Variants in SUSD2 observed in about 807,000 individuals in gnomAD.
SUSD2 encodes sushi domain-containing protein 2.
SUSD2 carries 86 observed loss-of-function variants against 93.8 expected under a neutral mutation model. That is an observed-to-expected ratio of 0.92 (90% CI 0.77 to 1.10). The LOEUF (loss-of-function observed/expected upper bound fraction) is 1.10, where lower values mean the gene tolerates loss of function less well. Ranked by LOEUF, SUSD2 falls within the 50% of genes least tolerant of loss-of-function variation. The pLI, the probability that SUSD2 is intolerant of heterozygous loss-of-function variation, is 0.00. For synonymous variants in SUSD2, 483 were observed against 485.0 expected (o/e 1.00, Z 0.05); for missense variants, 1,060 against 1,137.0 (o/e 0.93, Z 0.97).
chr22:24,185,023 G>A (rs932931411), intron 5 of SUSD2, 71 bp from the exon 6 acceptor site: 3 of 1,609,442 alleles, frequency 1.9e-6, no homozygotes, highest in Non-Finnish European at 2.5e-6. Flanking sequence ...AGCCCAGGCT[G>A]GGGGTGGGGA....
chr22:24,187,395 G>C lies in SUSD2; in HGVS notation c.1836G>C (p.Gly612=). The C allele has an allele frequency of 6.2e-7, 1 of 1,613,860 alleles. No individual in the cohort carries two copies. The highest frequency in any genetic ancestry group is 8.5e-7 in the Non-Finnish European group (1 of 1,180,028). The change falls in exon 11 of 15, where the codon GGG becomes GGC. Residue 612 remains glycine, a synonymous_variant. Coordinates refer to ENST00000358321, the MANE Select transcript of SUSD2 (RefSeq NM_019601.4). Reference sequence around the variant, plus strand: ...CCGACGACTTCACCCTGCACAGCGGGCGCGTCCTGCCCCCAGGCACCAGTC... The same window carrying C: ...CCGACGACTTCACCCTGCACAGCGGCCGCGTCCTGCCCCCAGGCACCAGTC... ...DPTDDFTLHS[G]RVLPPGTSPQ...
At chr22:24,186,510 TC>T in intron 10 of SUSD2, 95 bp downstream of exon 10, 1 of 1,470,488 alleles carries the variant, frequency 6.8e-7, no homozygotes, top group Non-Finnish European at 9.2e-7. Context: ...TTCATGCCTC[TC>T]CCAGTCCTGG....
intron 10 of SUSD2, chr22:24,186,984 G>T: frequency 3.3e-6 from 2 of 611,674 alleles, no homozygotes; most frequent in Non-Finnish European, 5.7e-6. Context: ...GGGATTCACT[G>T]CAGGGGCTGC....
At position 24,187,490 on chromosome 22, in the gene SUSD2, G is replaced by A. The variant is rs766781576; in HGVS notation, c.1891+40G>A. On this transcript the variant is annotated intron_variant, in intron 11 of 14. Coordinates refer to ENST00000358321, the MANE Select transcript of SUSD2 (RefSeq NM_019601.4). The stretch of plus-strand genomic sequence containing the variant: ...AGTATATGGGGCAGACGGGGTGGGG[G>A]TTACTGGAAACATGGCACGGGCAGG... 3.1e-6 allele frequency: 5 copies of A among 1,606,880 alleles called. No individual in the cohort carries two copies. In the South Asian group the frequency reaches 5.5e-5, roughly 18 times the overall value.
At chr22:24,187,124 G>A (rs1448282098) in intron 10 of SUSD2, 78 bp from the exon 11 acceptor site, 36 of 1,545,404 alleles carry the variant, frequency 2.3e-5, no homozygotes, top group Non-Finnish European at 2.7e-5. Context: ...CCTGGGTGCC[G>A]ACCACCCTGT....
chr22:24,188,434 T>G lies in SUSD2; in HGVS notation c.2467T>G (p.Ter823GlyextTer36). 2 of 1,609,664 alleles carry G rather than the reference T, an allele frequency of 1.2e-6. No individual in the cohort carries two copies. The highest frequency in any genetic ancestry group is 1.7e-6 in the Non-Finnish European group (2 of 1,179,528). Reference sequence around the variant, plus strand: ...CAGGCACGTCTGGGGTGCACAGCCCTGATGGGAGCAGCTTGGCTGTGAGCA... The same window carrying G: ...CAGGCACGTCTGGGGTGCACAGCCCGGATGGGAGCAGCTTGGCTGTGAGCA... ...GNTHVWGAQP[*>G] Residue 823 changes from the stop codon to glycine, a stop_lost, in exon 15 of 15, where the codon TGA (stop) becomes GGA (glycine). Transcript: ENST00000358321. The surrounding 1 kb of genome is among the most constrained non-coding windows in gnomAD (Gnocchi z 4.7).
At chr22:24,182,972 T>A in intron 1 of SUSD2, 85 bp from the exon 2 acceptor site, 1 of 1,162,912 alleles carries the variant, frequency 8.6e-7, no homozygotes. Context: ...TCTAATGGGC[T>A]GTGGGAGAAA....
intron 4 of SUSD2, 81 bp from the exon 5 acceptor site, chr22:24,184,683 ATC>A: frequency 8.4e-7 from 1 of 1,190,190 alleles, no homozygotes; most frequent in Non-Finnish European, 1.2e-6. Context: ...CCATCCACCC[ATC>A]TGTCAGGCTG....
Position 24,187,628 on chromosome 22 carries a change from A to G in SUSD2, c.1949A>G (p.Asn650Ser). 1 of 1,613,484 alleles carries G rather than the reference A, an allele frequency of 6.2e-7. No individual in the cohort carries two copies. Among genetic ancestry groups the G allele is most frequent in the Non-Finnish European group, 8.5e-7 (1 of 1,179,818 alleles). The part of the protein sequence containing the change: ...LTYDSWFLVH[N>S]FLYQPKHDPT... ...TACGATTCCTGGTTCCTGGTCCACA[A>G]CTTCCTGTACCAACCCAAGCACGAC... Residue 650 changes from asparagine to serine, a missense_variant, in exon 12 of 15, where the codon AAC becomes AGC. Transcript: ENST00000358321.
At position 24,187,412 on chromosome 22, in the gene SUSD2, G is replaced by A. The variant is rs750987015; in HGVS notation, c.1853G>A (p.Gly618Asp). ...TLHSGRVLPP[G>D]TSPQELFLFG... is the part of the protein sequence containing the mutation. ...CACAGCGGGCGCGTCCTGCCCCCAG[G>A]CACCAGTCCCCAGGAGCTGTTCCTG... is the stretch of plus-strand genomic sequence containing the variant. Residue 618 changes from glycine to aspartate, a missense_variant, in exon 11 of 15, where the codon GGC becomes GAC. Gly to Asp is a moderately conservative substitution (Grantham distance 94). Coordinates refer to ENST00000358321, the MANE Select transcript of SUSD2 (RefSeq NM_019601.4). 3 of 1,613,510 alleles carry A rather than the reference G, an allele frequency of 1.9e-6. No homozygotes were observed. The highest frequency in any genetic ancestry group is 1.7e-5 in the Admixed American group (1 of 60,020).
In SUSD2 at chr22:24,187,276, G is replaced by C. The variant is rs577588238; in HGVS notation, c.1717G>C (p.Val573Leu). ...ATCAGGGGCCGGCCTGGAGGTCAGCGTGCAGGGCCCGTTCCTGAGTGTGTC... is the reference window on the plus strand; with the variant it reads ...ATCAGGGGCCGGCCTGGAGGTCAGCCTGCAGGGCCCGTTCCTGAGTGTGTC... ...LASGAGLEVS[V>L]QGPFLSVSVL... Residue 573 changes from valine to leucine, a missense_variant, in exon 11 of 15, where the codon GTG becomes CTG. Coordinates refer to ENST00000358321, the MANE Select transcript of SUSD2 (RefSeq NM_019601.4). The C allele has an allele frequency of 6.6e-4, 1,058 of 1,614,030 alleles. 22 individuals are homozygous for C. The South Asian group carries it at 0.011, about 16-fold the overall frequency.
At chr22:24,184,661 C>G in intron 4 of SUSD2, 105 bp from the exon 5 acceptor site, 1 of 952,802 alleles carries the variant, frequency 1.0e-6, no homozygotes, top group Non-Finnish European at 1.6e-6. Context: ...CCTAAGGGGA[C>G]CGCCTGGCGG....
intron 6 of SUSD2, 36 bp downstream of exon 6, chr22:24,185,331 G>A (rs747024925): frequency 6.3e-7 from 1 of 1,591,432 alleles, no homozygotes; most frequent in South Asian, 1.1e-5. Flanking sequence ...GAGGGGATGA[G>A]GGGTTAGCCT....
chr22:24,187,979 G>A lies in SUSD2; in HGVS notation c.2185G>A (p.Ala729Thr). The change falls in exon 13 of 15, where the codon GCC becomes ACC. Residue 729 changes from alanine to threonine, a missense_variant. This residue lies in a region of SUSD2 where 973 missense variants were observed against 1,005.3 expected (regional missense o/e 0.97). Transcript: ENST00000358321. ...LQPVVSCGWL[A>T]PPPNGQKEGN... is the part of the protein sequence containing the mutation. ...CCCAGTGGTGTCCTGTGGCTGGCTG[G>A]CCCCACCTCCCAACGGACAAAAGGA... is the stretch of plus-strand genomic sequence containing the variant. 6.2e-7 allele frequency: 1 copy of A among 1,612,814 alleles called. No homozygotes were observed. Among genetic ancestry groups the A allele is most frequent in the South Asian group, 1.1e-5 (1 of 91,072 alleles).
rs2047357366 is a variant in SUSD2, at chr22:24,185,544, T to A, written c.1043T>A (p.Val348Glu). 1.9e-6 allele frequency: 3 copies of A among 1,587,018 alleles called. No individual in the cohort carries two copies. Among genetic ancestry groups the A allele is most frequent in the Non-Finnish European group, 1.7e-6 (2 of 1,166,884 alleles). The change falls in exon 7 of 15, where the codon GTG becomes GAG. Residue 348 changes from valine to glutamate, a missense_variant. This residue lies in a region of SUSD2 where 973 missense variants were observed against 1,005.3 expected (regional missense o/e 0.97). Transcript: ENST00000358321. ...GTGTGCACCTACCACCCCGGGGCCG[T>A]GCACTGTGTGCGTTCTGTGCAGGCC... ...GSVCTYHPGA[V>E]HCVRSVQASL...
At position 24,186,390 on chromosome 22, in the gene SUSD2, C is replaced by G; in HGVS notation, c.1617C>G (p.Thr539=). 1.2e-6 allele frequency: 2 copies of G among 1,613,594 alleles called. No homozygotes were observed. Among genetic ancestry groups the G allele is most frequent in the Non-Finnish European group, 1.7e-6 (2 of 1,180,020 alleles). Reference sequence around the variant, plus strand: ...TGAACCAGGAGGTGCTGAGCTTCACCGAGCAGAGCTGGATGGACCTGAAAG... The same window carrying G: ...TGAACCAGGAGGTGCTGAGCTTCACGGAGCAGAGCTGGATGGACCTGAAAG... The part of the protein sequence containing the change: ...VLLNQEVLSF[T]EQSWMDLKGM... The change falls in exon 10 of 15, where the codon ACC becomes ACG. Residue 539 remains threonine, a synonymous_variant. Coordinates refer to ENST00000358321, the MANE Select transcript of SUSD2 (RefSeq NM_019601.4).
intron 10 of SUSD2, 84 bp downstream of exon 10, chr22:24,186,499 C>A: frequency 6.7e-7 from 1 of 1,501,018 alleles, no homozygotes; most frequent in Non-Finnish European, 9.0e-7. Flanking sequence ...AGCCCTGGGC[C>A]TTCATGCCTC....
chr22:24,185,461 G>C lies in SUSD2; in HGVS notation c.985-25G>C, dbSNP rs1488708208. On this transcript the variant is annotated intron_variant, in intron 6 of 14. Transcript: ENST00000358321. ...GGATGACAGAACCCGAGGCCACTGG[G>C]TGACAGCCACCTGCTGCTCTGCAGA... The C allele has an allele frequency of 1.9e-6, 3 of 1,553,176 alleles. No homozygotes were observed. The African/African-American group carries it at 4.1e-5, about 21-fold the overall frequency.
rs539823392 is a variant in SUSD2 at position 24,186,473 on chromosome 22, A to C, written c.1642+58A>C. The C allele has an allele frequency of 4.4e-6, 7 of 1,575,534 alleles. No homozygotes were observed. The South Asian group carries it at 7.0e-5, about 16-fold the overall frequency. ...GCCCTCACCTCCTCCCCATTCCTGC[A>C]GGGAGACTGAGGGGAAGCCCTGGGC... On this transcript the variant is annotated intron_variant, in intron 10 of 14. Transcript: ENST00000358321.
Sources: allele counts gnomAD v4.1 joint callset, GRCh38; gene constraint gnomAD v4.1.1; regional missense constraint gnomAD v4.1.1; non-coding constraint Gnocchi (gnomAD v3.1); transcripts MANE v1.5; gene names NCBI Gene and HGNC (gene_info 2026-07-23, HGNC 2026-07-21).